MRPS23: variants seen among roughly 807,000 people sequenced by gnomAD.
MRPS23 encodes the protein mitochondrial ribosomal protein S23.
A neutral mutation model predicts 19.8 loss-of-function variants in MRPS23; 14 were observed. That is an observed-to-expected ratio of 0.71 (90% CI 0.47 to 1.11). MRPS23 has a LOEUF of 1.11. Among genes scored for constraint, MRPS23 ranks in the 50% least tolerant of loss-of-function variants. MRPS23 has a pLI of 0.00. For missense variants in MRPS23, 242 were observed against 236.7 expected, an observed-to-expected ratio of 1.02 and a Z score of -0.15; for synonymous variants, 113 against 89.7, an observed-to-expected ratio of 1.26 and a Z score of -1.47.
chr17:57,849,483 G>C, intron 1 of MRPS23, 73 bp from the exon 2 acceptor site: 9 of 1,544,672 alleles, frequency 5.8e-6, no homozygotes, highest in Non-Finnish European at 7.0e-6. Context: ...GTCTAGCACA[G>C]TTTGGGACAT....
chr17:57,845,041 G>A (rs2073763999), intron 2 of MRPS23, among the ~76,000 whole-genome samples: 2 of 152,008 alleles, frequency 1.3e-5, no homozygotes, highest in Admixed American at 1.3e-4. Context: ...GGGACTACAG[G>A]TGCATGCCAC....
At chr17:57,846,716 G>C (rs2073778315) in intron 2 of MRPS23, among the ~76,000 whole-genome samples, 1 of 152,054 alleles carries the variant, frequency 6.6e-6, no homozygotes, top group South Asian at 2.1e-4. Context: ...CTTGAAGGCA[G>C]CATGCTCGTT....
In MRPS23 at chr17:57,849,255, TCGTGGTA is replaced by T; in HGVS notation, c.193_199del (p.Tyr65ArgfsTer66). ...GAGCACTCACGCTCTAATCCGATCCTCGTGGTACCAGATGTCTTGGATGGGAGCTTTG... is the reference window on the plus strand; with the variant it reads ...GAGCACTCACGCTCTAATCCGATCCTCCAGATGTCTTGGATGGGAGCTTTG... On this transcript the variant is annotated frameshift_variant, in exon 2 of 5. Coordinates refer to ENST00000313608, the MANE Select transcript of MRPS23 (RefSeq NM_016070.4). LOFTEE classifies it high-confidence loss of function. The T allele has an allele frequency of 1.2e-6, 2 of 1,614,206 alleles. No homozygotes were observed. Among genetic ancestry groups the T allele is most frequent in the Non-Finnish European group, 1.7e-6 (2 of 1,180,018 alleles).
intron 2 of MRPS23, 97 bp from the exon 3 acceptor site, chr17:57,841,357 G>T: frequency 7.9e-7 from 1 of 1,268,136 alleles, no homozygotes; most frequent in Non-Finnish European, 1.1e-6. Context: ...GCACTGAGGA[G>T]TTAAGTACGG....
intron 2 of MRPS23, among the ~76,000 whole-genome samples, chr17:57,848,348 G>C (rs1447032726): frequency 7.0e-6 from 1 of 143,280 alleles, no homozygotes; most frequent in Non-Finnish European, 1.6e-5. Context: ...AGAGAAAAGG[G>C]ATGCTAAAAA....
At position 57,839,811 on chromosome 17, in the gene MRPS23, T is replaced by C; in HGVS notation, c.545A>G (p.Asp182Gly). Reference sequence around the variant, plus strand: ...GGGAGGCAAGAGACCTTTCGACTGGTCTGCAGGTGCCTCCAAATGCTGGTC... The same window carrying C: ...GGGAGGCAAGAGACCTTTCGACTGGCCTGCAGGTGCCTCCAAATGCTGGTC... ...PQDQHLEAPA[D>G]QSKGLLPP The change falls in exon 5 of 5, where the codon GAC becomes GGC. Residue 182 changes from aspartate (D) to glycine (G), a missense_variant. Coordinates refer to ENST00000313608, the MANE Select transcript of MRPS23 (RefSeq NM_016070.4). 1.2e-6 allele frequency: 2 copies of C among 1,614,132 alleles called. No individual in the cohort carries two copies. The highest frequency in any genetic ancestry group is 1.7e-6 in the Non-Finnish European group (2 of 1,179,994).
rs746598526 is a variant in MRPS23 at position 57,842,864 on chromosome 17, TAAAAA to T, written c.216-1609_216-1605del. Among the ~76,000 whole-genome samples, 9 of 79,306 alleles carry T rather than the reference TAAAAA, an allele frequency of 1.1e-4. No individual in the cohort carries two copies. In the South Asian group the frequency reaches 2.1e-3, roughly 18 times the overall value. 52.0% of individuals were successfully genotyped at this position (79,306 alleles called of 152,430 possible). ...ATGGTGAGACCTGAGACCCTGTCTC[TAAAAA>T]AAAAAAAAAAATATATATATATACA... On this transcript the variant is annotated intron_variant, in intron 2 of 4. Transcript: ENST00000313608.
At chr17:57,846,704 T>C (rs967702245) in intron 2 of MRPS23, among the ~76,000 whole-genome samples, 2 of 152,106 alleles carry the variant, frequency 1.3e-5, no homozygotes, top group African/African-American at 2.4e-5. Flanking sequence ...GTTAAACAGA[T>C]GCTTGAAGGC....
chr17:57,839,758 C>T lies in MRPS23; in HGVS notation c.*25G>A. The T allele has an allele frequency of 1.2e-6, 2 of 1,601,976 alleles. No individual in the cohort carries two copies. The highest frequency in any genetic ancestry group is 8.5e-7 in the Non-Finnish European group (1 of 1,171,086). On this transcript the variant is annotated 3_prime_UTR_variant, in exon 5 of 5. Coordinates refer to ENST00000313608, the MANE Select transcript of MRPS23 (RefSeq NM_016070.4). ...TCAGCCAGTGAGTAGAGTGTGAATG[C>T]CAGCATACACAGTATACAGGTCCTT...
At chr17:57,842,794 A>G (rs2073747036) in intron 2 of MRPS23, among the ~76,000 whole-genome samples, 1 of 150,646 alleles carries the variant, frequency 6.6e-6, no homozygotes, top group Non-Finnish European at 1.5e-5. Context: ...AAGCTGAGGC[A>G]TGAGGATCTT....
intron 2 of MRPS23, among the ~76,000 whole-genome samples, chr17:57,847,186 A>G (rs1026786271): frequency 3.3e-5 from 5 of 151,578 alleles, no homozygotes; most frequent in African/African-American, 1.2e-4. Context: ...CCAGCTACTC[A>G]AGAGGCTGAG....
intron 2 of MRPS23, among the ~76,000 whole-genome samples, chr17:57,844,981 T>A (rs1238218499): frequency 6.6e-6 from 1 of 152,004 alleles, no homozygotes; most frequent in African/African-American, 2.4e-5. Context: ...CACTGCAACC[T>A]CTGCCTCCTG....
intron 1 of MRPS23, among the ~76,000 whole-genome samples, 186 bp from the exon 2 acceptor site, chr17:57,849,596 G>A (rs2073798997): frequency 6.6e-6 from 1 of 152,194 alleles, no homozygotes; most frequent in African/African-American, 2.4e-5. Flanking sequence ...ACGCTCAGGA[G>A]AGTTAAATCC....
In MRPS23 at chr17:57,836,827, C is replaced by G. The variant is rs2073708919; in HGVS notation, c.*2956G>C. 2 of 152,142 alleles carry G rather than the reference C, an allele frequency of 1.3e-5. No individual in the cohort carries two copies. Among genetic ancestry groups the G allele is most frequent in the Admixed American group, 1.3e-4 (2 of 15,256 alleles). 9.4% of individuals were successfully genotyped at this position (152,142 alleles called of 1,614,324 possible). ...GGGTAGCTGGTATTACAGGCACACG[C>G]CCGCACGCCCAGCTAATTTTTTTGT... is the stretch of plus-strand genomic sequence containing the variant. On this transcript the variant is annotated 3_prime_UTR_variant, in exon 5 of 5. Coordinates refer to ENST00000313608, the MANE Select transcript of MRPS23 (RefSeq NM_016070.4).
chr17:57,842,883 T>C (rs1263788856), intron 2 of MRPS23, among the ~76,000 whole-genome samples: 5 of 61,630 alleles, frequency 8.1e-5, no homozygotes, highest in African/African-American at 2.2e-4. Flanking sequence ...AAAAAAAATA[T>C]ATATATATAC....
Position 57,841,055 on chromosome 17 carries a change from G to T in MRPS23, c.294-3C>A, listed in dbSNP as rs1182060163. 6.2e-7 allele frequency: 1 copy of T among 1,613,640 alleles called. No individual in the cohort carries two copies. The highest frequency in any genetic ancestry group is 1.7e-5 in the Admixed American group (1 of 59,928). Reference sequence around the variant, plus strand: ...GCTCAGTGTACTTCTCCACAAACCTGTAATTCCAAGCAGTCACATTTTAGG... The same window carrying T: ...GCTCAGTGTACTTCTCCACAAACCTTTAATTCCAAGCAGTCACATTTTAGG... On this transcript the variant is annotated splice_polypyrimidine_tract_variant and splice_region_variant and intron_variant, in intron 3 of 4. Transcript: ENST00000313608.
rs1188502638 is a variant in MRPS23 at position 57,835,237 on chromosome 17, T to C, written c.*4546A>G. The C allele has an allele frequency of 6.6e-6, 1 of 152,264 alleles. No individual in the cohort carries two copies. The highest frequency in any genetic ancestry group is 1.5e-5 in the Non-Finnish European group (1 of 68,084). 9.4% of individuals were successfully genotyped at this position (152,264 alleles called of 1,614,324 possible). ...CCCTTATCTCTGTCTGCCACTTAGA[T>C]ATAGCACCATCACCTTCAACTTAGT... On this transcript the variant is annotated 3_prime_UTR_variant, in exon 5 of 5. Coordinates refer to ENST00000313608, the MANE Select transcript of MRPS23 (RefSeq NM_016070.4).
At chr17:57,845,012 C>G (rs2073763751) in intron 2 of MRPS23, among the ~76,000 whole-genome samples, 1 of 152,010 alleles carries the variant, frequency 6.6e-6, no homozygotes, top group Admixed American at 6.6e-5. Flanking sequence ...ATCCTCCCAC[C>G]TCAGCCTCCA....
At chr17:57,841,518 T>A (rs1021581263) in intron 2 of MRPS23, among the ~76,000 whole-genome samples, 2 of 152,166 alleles carry the variant, frequency 1.3e-5, no homozygotes, top group African/African-American at 2.4e-5. Context: ...CCAGTTCCCT[T>A]CCCAGGAAGC....
Sources: gnomAD v4.1 joint callset for allele counts (sites outside exome capture counted in the v4.1 genomes callset) on GRCh38, gnomAD v4.1.1 for gene constraint, MANE v1.5 for transcripts, NCBI Gene and HGNC (gene_info 2026-07-23, HGNC 2026-07-21) for gene names.